The following EXOC6B variants were observed in gnomAD, a reference collection of about 807,000 sequenced individuals.
EXOC6B encodes the protein SEC15 homolog B.
EXOC6B carries 54 observed loss-of-function variants against 113.5 expected under a neutral mutation model. The ratio of observed to expected loss-of-function variants is 0.48; its 90% CI spans 0.38 to 0.60. The LOEUF (loss-of-function observed/expected upper bound fraction) is 0.60, where lower values mean the gene tolerates loss of function less well. EXOC6B is among the 20% of genes least tolerant of loss of function. The pLI, the probability that EXOC6B is intolerant of heterozygous loss-of-function variation, is 0.00. For missense variants in EXOC6B, 797 were observed against 977.5 expected, an observed-to-expected ratio of 0.82 and a Z score of 2.46; for synonymous variants, 357 against 339.0, an observed-to-expected ratio of 1.05 and a Z score of -0.58.
intron 18 of EXOC6B, chr2:72,461,543 A>G (rs1414186325): frequency 2.0e-5 from 3 of 151,998 alleles, no homozygotes; most frequent in Admixed American, 6.6e-5. Flanking sequence ...AATGAATATC[A>G]CATTATATGA....
rs139874004 is a variant in EXOC6B, at chr2:72,619,179, C to CAGAGAGAG, written c.670-43519_670-43512dup. The stretch of plus-strand genomic sequence containing the variant: ...GAACAAAGACAGAGAAATACACAGC[C>CAGAGAGAG]AGAGAGAGAGAGAGAGAGAGAGAGA... On this transcript the variant is annotated intron_variant, in intron 6 of 21. Coordinates refer to ENST00000272427, the MANE Select transcript of EXOC6B (RefSeq NM_015189.3). Among the ~76,000 whole-genome samples, 215 of 145,892 alleles carry CAGAGAGAG rather than the reference C, an allele frequency of 1.5e-3. 1 individual carries two copies. Among genetic ancestry groups the CAGAGAGAG allele is most frequent in the African/African-American group, 5.1e-3 (202 of 39,678 alleles).
At chr2:72,601,081 AT>A (rs1670393399) in intron 6 of EXOC6B, among the ~76,000 whole-genome samples, 1 of 151,080 alleles carries the variant, frequency 6.6e-6, no homozygotes, top group Non-Finnish European at 1.5e-5. Flanking sequence ...AGTAGACACC[AT>A]TATAGACTTG....
At chr2:72,200,411 G>T (rs1679420628) in intron 20 of EXOC6B, among the ~76,000 whole-genome samples, 1 of 152,122 alleles carries the variant, frequency 6.6e-6, no homozygotes, top group Admixed American at 6.5e-5. Flanking sequence ...ACAGGGTTTT[G>T]CTATATTGCC....
intron 6 of EXOC6B, among the ~76,000 whole-genome samples, chr2:72,682,127 T>C (rs1205037120): frequency 6.6e-6 from 1 of 151,570 alleles, no homozygotes; most frequent in Admixed American, 6.6e-5. Flanking sequence ...CTCCCCACCA[T>C]AAGGTGGGCA....
At chr2:72,655,763 A>G (rs566914613) in intron 6 of EXOC6B, among the ~76,000 whole-genome samples, 2 of 152,160 alleles carry the variant, frequency 1.3e-5, no homozygotes, top group African/African-American at 2.4e-5. Flanking sequence ...TTGCACTTTT[A>G]GTAGAAAATG....
At chr2:72,587,006 A>T (rs1389780609) in intron 6 of EXOC6B, among the ~76,000 whole-genome samples, 1 of 152,180 alleles carries the variant, frequency 6.6e-6, no homozygotes, top group Non-Finnish European at 1.5e-5. Context: ...CAGTTTGGAG[A>T]TTTCTCAAAT....
intron 16 of EXOC6B, among the ~76,000 whole-genome samples, chr2:72,485,068 A>AT (rs1187524655): frequency 1.3e-5 from 2 of 152,200 alleles, no homozygotes; most frequent in Admixed American, 6.5e-5. Flanking sequence ...TGGGTGAACT[A>AT]ATTTACATTC....
intron 19 of EXOC6B, among the ~76,000 whole-genome samples, chr2:72,337,424 T>C (rs1156231756): frequency 6.6e-6 from 1 of 152,174 alleles, no homozygotes; most frequent in Non-Finnish European, 1.5e-5. Flanking sequence ...TGCCATCCTA[T>C]ATATGTCCAA....
intron 17 of EXOC6B, among the ~76,000 whole-genome samples, chr2:72,471,041 C>T (rs1382302742): frequency 1.3e-5 from 2 of 152,210 alleles, no homozygotes; most frequent in Non-Finnish European, 2.9e-5. Context: ...GGAATCACCA[C>T]ACTGACTTCC....
intron 17 of EXOC6B, among the ~76,000 whole-genome samples, chr2:72,468,641 T>C (rs991239544): frequency 5.3e-5 from 8 of 152,316 alleles, no homozygotes; most frequent in Admixed American, 3.3e-4. Context: ...AGTGGTCCCA[T>C]ATGAATCTTA....
In EXOC6B at chr2:72,474,910, G is replaced by A. The variant is rs62149329; in HGVS notation, c.1800+5706C>T. ...ATTTTTTAAATTTGCTCTGGTAGGGGAGGACATTTTCCAGAAGATGTATCT... is the reference window on the plus strand; with the variant it reads ...ATTTTTTAAATTTGCTCTGGTAGGGAAGGACATTTTCCAGAAGATGTATCT... On this transcript the variant is annotated intron_variant, in intron 17 of 21. Coordinates refer to ENST00000272427, the MANE Select transcript of EXOC6B (RefSeq NM_015189.3). Among the ~76,000 whole-genome samples, 441 of 152,246 alleles carry A rather than the reference G, an allele frequency of 2.9e-3. 2 individuals are homozygous for A. Among genetic ancestry groups the A allele is most frequent in the Non-Finnish European group, 4.9e-3 (334 of 68,020 alleles).
chr2:72,511,672 C>T (rs1014911040), intron 11 of EXOC6B, among the ~76,000 whole-genome samples: 3 of 152,152 alleles, frequency 2.0e-5, no homozygotes, highest in Non-Finnish European at 4.4e-5. Flanking sequence ...ATACGTAACA[C>T]ATTCCATTCA....
At chr2:72,631,461 TAGAGAGAGAGAG>T (rs372313608) in intron 6 of EXOC6B, among the ~76,000 whole-genome samples, 203 of 9,620 alleles carry the variant, frequency 0.021, no homozygotes, top group African/African-American at 0.026. Context: ...TATATATATA[TAGAGAGAGAGAG>T]AGAGAGAGAG....
intron 6 of EXOC6B, among the ~76,000 whole-genome samples, chr2:72,600,441 CAAAAAAA>C (rs57908608): frequency 5.7e-5 from 5 of 87,468 alleles, no homozygotes; most frequent in African/African-American, 1.8e-4. Context: ...GACCTTATCT[CAAAAAAA>C]AAAAAAAAAA....
intron 20 of EXOC6B, among the ~76,000 whole-genome samples, chr2:72,184,594 G>A (rs1404907481): frequency 6.6e-6 from 1 of 152,186 alleles, no homozygotes; most frequent in Non-Finnish European, 1.5e-5. Context: ...ACAAATAAAG[G>A]TGGATGTAGT....
intron 6 of EXOC6B, among the ~76,000 whole-genome samples, chr2:72,680,667 A>G (rs1433701882): frequency 6.6e-6 from 1 of 151,880 alleles, no homozygotes; most frequent in Non-Finnish European, 1.5e-5. Context: ...TGGACCCAGG[A>G]GGTGGAGGTT....
intron 20 of EXOC6B, among the ~76,000 whole-genome samples, chr2:72,328,540 T>G (rs934731725): frequency 6.6e-6 from 1 of 152,166 alleles, no homozygotes; most frequent in Non-Finnish European, 1.5e-5. Flanking sequence ...TTTTATTCAC[T>G]GCATTGTATC....
intron 6 of EXOC6B, among the ~76,000 whole-genome samples, chr2:72,707,531 A>C (rs1333631041): frequency 6.6e-6 from 1 of 151,414 alleles, no homozygotes; most frequent in East Asian, 1.9e-4. Context: ...CTCCTGCCTC[A>C]GCCTCCCGAG....
rs1212821293 is a variant in EXOC6B, at chr2:72,183,966, G to C, written c.2309+109C>G. On this transcript the variant is annotated intron_variant, in intron 21 of 21. Coordinates refer to ENST00000272427, the MANE Select transcript of EXOC6B (RefSeq NM_015189.3). Reference sequence around the variant, plus strand: ...CACCCAGGGCCTATGGCAACTTCCAGAACAAGGCTATCTTTCAAGGTATTG... The same window carrying C: ...CACCCAGGGCCTATGGCAACTTCCACAACAAGGCTATCTTTCAAGGTATTG... The C allele has an allele frequency of 4.9e-6, 3 of 618,264 alleles. No homozygotes were observed. The African/African-American group carries it at 5.5e-5, about 11-fold the overall frequency. 38.3% of individuals were successfully genotyped at this position (618,264 alleles called of 1,614,324 possible).
Sources: gnomAD v4.1 joint callset for allele counts (sites outside exome capture counted in the v4.1 genomes callset) on GRCh38, gnomAD v4.1.1 for gene constraint, MANE v1.5 for transcripts, NCBI Gene and HGNC (gene_info 2026-07-23, HGNC 2026-07-21) for gene names.